The following DNM3 variants were observed in gnomAD, a reference collection of about 807,000 sequenced individuals.
DNM3 encodes dynamin 3, also known as dynamin-3.
DNM3 carries 47 observed loss-of-function variants against 101.6 expected under a neutral mutation model. That is an observed-to-expected ratio of 0.46 (90% confidence interval 0.37 to 0.59). DNM3 has a LOEUF of 0.59. Ranked by LOEUF, DNM3 falls within the 20% of genes least tolerant of loss-of-function variation. DNM3 has a pLI of 0.00. For missense variants in DNM3, 849 were observed against 1,085.7 expected (o/e 0.78, Z 3.06); for synonymous variants, 385 against 387.9 (o/e 0.99, Z 0.09).
At chr1:172,288,160 T>C (rs1412880142) in intron 15 of DNM3, among the ~76,000 whole-genome samples, 1 of 152,186 alleles carries the variant, frequency 6.6e-6, no homozygotes, top group Non-Finnish European at 1.5e-5. Context: ...GAGAGGCTGA[T>C]AACAAACAGT....
intron 4 of DNM3, among the ~76,000 whole-genome samples, chr1:172,024,074 T>G (rs539992153): frequency 6.6e-6 from 1 of 152,256 alleles, no homozygotes; most frequent in South Asian, 2.1e-4. Context: ...TCAAGTTGTA[T>G]TCTGTATTTT....
intron 17 of DNM3, among the ~76,000 whole-genome samples, chr1:172,353,119 A>G (rs1355220966): frequency 6.6e-6 from 1 of 152,112 alleles, no homozygotes; most frequent in Non-Finnish European, 1.5e-5. Flanking sequence ...CCACAGGTGC[A>G]CCATCCTCTG....
chr1:172,288,779 A>T (rs1045578297), intron 15 of DNM3, among the ~76,000 whole-genome samples: 1 of 152,142 alleles, frequency 6.6e-6, no homozygotes, highest in Non-Finnish European at 1.5e-5. Context: ...GGAAGAGAAG[A>T]TTTGGGAGCA....
chr1:171,979,818 C>G (rs1262651367), intron 2 of DNM3, among the ~76,000 whole-genome samples: 2 of 152,216 alleles, frequency 1.3e-5, no homozygotes, highest in Non-Finnish European at 2.9e-5. Flanking sequence ...ACCCTGAATA[C>G]TGTTCAACTG....
intron 13 of DNM3, among the ~76,000 whole-genome samples, chr1:172,104,706 T>C (rs2054888626): frequency 6.6e-6 from 1 of 152,226 alleles, no homozygotes; most frequent in Non-Finnish European, 1.5e-5. Flanking sequence ...TTCTACTGTA[T>C]TTACATTTAG....
intron 1 of DNM3, among the ~76,000 whole-genome samples, chr1:171,902,011 T>C (rs1180562463): frequency 6.6e-6 from 1 of 152,220 alleles, no homozygotes; most frequent in African/African-American, 2.4e-5. Context: ...AGTTTACATT[T>C]CCATAGCACA....
intron 1 of DNM3, among the ~76,000 whole-genome samples, chr1:171,868,173 T>C (rs775009257): frequency 1.3e-5 from 2 of 152,168 alleles, no homozygotes; most frequent in Non-Finnish European, 2.9e-5. Context: ...ACTAAGAGTA[T>C]TGGTGGTGAA....
intron 14 of DNM3, among the ~76,000 whole-genome samples, chr1:172,227,304 A>ATATATATATATG (rs1215756972): frequency 9.1e-5 from 12 of 131,550 alleles, no homozygotes; most frequent in African/African-American, 3.5e-4. Flanking sequence ...ATATATATAT[A>ATATATATATATG]TCACATTTTC....
chr1:172,286,752 A>G (rs2063719688), intron 15 of DNM3, among the ~76,000 whole-genome samples: 1 of 152,168 alleles, frequency 6.6e-6, no homozygotes, highest in Non-Finnish European at 1.5e-5. Context: ...GCCATGCCTC[A>G]CTATTGGAGT....
At chr1:172,325,339 T>G (rs1357082144) in intron 17 of DNM3, among the ~76,000 whole-genome samples, 1 of 152,152 alleles carries the variant, frequency 6.6e-6, no homozygotes, top group Non-Finnish European at 1.5e-5. Flanking sequence ...CGAGTGTTAG[T>G]TGAAGAGTAT....
At chr1:171,900,631 C>T (rs1262581170) in intron 1 of DNM3, among the ~76,000 whole-genome samples, 1 of 151,626 alleles carries the variant, frequency 6.6e-6, no homozygotes, top group Non-Finnish European at 1.5e-5. Flanking sequence ...GTCAGGGTGG[C>T]GTGATTTAAG....
intron 14 of DNM3, among the ~76,000 whole-genome samples, chr1:172,210,976 C>T (rs1256349067): frequency 3.3e-5 from 5 of 152,008 alleles, no homozygotes; most frequent in South Asian, 2.1e-4. Flanking sequence ...TCCCTCAAAA[C>T]AAAAATTCTG....
intron 1 of DNM3, among the ~76,000 whole-genome samples, chr1:171,853,701 G>A (rs190409260): frequency 6.6e-6 from 1 of 152,136 alleles, no homozygotes; most frequent in East Asian, 1.9e-4. Flanking sequence ...AGTCTCAGCT[G>A]TCCTCCTTTC....
chr1:172,306,630 T>A (rs2064830149), intron 15 of DNM3, among the ~76,000 whole-genome samples: 1 of 152,146 alleles, frequency 6.6e-6, no homozygotes. Context: ...CTTCAAACTA[T>A]ACTACAAGGC....
chr1:171,959,978 G>C (rs1408094392), intron 2 of DNM3, among the ~76,000 whole-genome samples: 1 of 152,116 alleles, frequency 6.6e-6, no homozygotes, highest in East Asian at 1.9e-4. Flanking sequence ...GGTGAATAGT[G>C]CCCTCCCAAA....
At chr1:172,148,822 T>G (rs1476895512) in intron 14 of DNM3, among the ~76,000 whole-genome samples, 1 of 152,122 alleles carries the variant, frequency 6.6e-6, no homozygotes, top group Non-Finnish European at 1.5e-5. Context: ...ATCTCCTGCA[T>G]TTCCTATTTT....
intron 1 of DNM3, among the ~76,000 whole-genome samples, chr1:171,871,402 A>G (rs2035272040): frequency 6.6e-6 from 1 of 152,188 alleles, no homozygotes; most frequent in Non-Finnish European, 1.5e-5. Context: ...GCATTGCCTA[A>G]ATCTTTGGTG....
rs1014355720 is a variant in DNM3, at chr1:172,145,424, C to G, written c.1659+14136C>G. On this transcript the variant is annotated intron_variant, in intron 14 of 20. Coordinates refer to ENST00000627582, the MANE Select transcript of DNM3 (RefSeq NM_015569.5). ...GCTCTCTCTCTCTTTCTCTCCTTCT[C>G]TCTCTCCCTCCTTCTCCTGTCTGTT... Among the ~76,000 whole-genome samples, 14 of 149,240 alleles carry G rather than the reference C, an allele frequency of 9.4e-5. No individual in the cohort carries two copies. In the East Asian group the frequency reaches 2.3e-3, roughly 24 times the overall value.
intron 12 of DNM3, among the ~76,000 whole-genome samples, chr1:172,082,206 G>A (rs2053204789): frequency 1.3e-5 from 2 of 152,112 alleles, no homozygotes; most frequent in Admixed American, 6.5e-5. Flanking sequence ...TAGAAAAACA[G>A]TAATTAATGC....
Sources: gnomAD v4.1 joint callset for allele counts (sites outside exome capture counted in the v4.1 genomes callset) on GRCh38, gnomAD v4.1.1 for gene constraint, MANE v1.5 for transcripts, NCBI Gene and HGNC (gene_info 2026-07-23, HGNC 2026-07-21) for gene names.